Variants in OS9 observed in about 807,000 individuals in gnomAD.
OS9 encodes protein OS-9.
Under a neutral mutation model 84.7 loss-of-function variants are expected in OS9, and 58 were observed. That is an observed-to-expected ratio of 0.68 (90% CI 0.55 to 0.85). OS9 has a LOEUF of 0.85. Among genes scored for constraint, OS9 ranks in the 40% least tolerant of loss-of-function variants. The probability of loss-of-function intolerance (pLI) is 0.00; values close to 1 mark genes in which losing one functional copy is unlikely to be tolerated. For missense variants in OS9, 760 were observed against 850.9 expected (o/e 0.89, Z 1.33); for synonymous variants, 278 against 320.8 (o/e 0.87, Z 1.43).
At position 57,694,174 on chromosome 12, in the gene OS9, A is replaced by T; in HGVS notation, c.13A>T (p.Thr5Ser). MAAE[T>S]LLSSLLGLLL... The stretch of plus-strand genomic sequence containing the variant: ...AGGGGAACGAAAGATGGCGGCGGAA[A>T]CGCTGCTGTCCAGTTTGTTAGGACT... Residue 5 changes from threonine to serine, a missense_variant, in exon 1 of 15, where the codon ACG becomes TCG. Transcript: ENST00000315970. 1 of 1,614,154 alleles carries T rather than the reference A, an allele frequency of 6.2e-7. No individual in the cohort carries two copies.
chr12:57,694,803 G>C lies in OS9; in HGVS notation c.216G>C (p.Glu72Asp), dbSNP rs775502978. 6.2e-7 allele frequency: 1 copy of C among 1,614,146 alleles called. No individual in the cohort carries two copies. The highest frequency in any genetic ancestry group is 8.5e-7 in the Non-Finnish European group (1 of 1,180,022). ...IVSSKYKQRY[E>D]CRLPAGAIHF... ...CCTCTAAGTACAAACAGCGCTATGA[G>C]TGTCGCCTGCCAGCTGGAGCTATTC... Residue 72 changes from glutamate to aspartate, a missense_variant, in exon 2 of 15, where the codon GAG becomes GAC. Coordinates refer to ENST00000315970, the MANE Select transcript of OS9 (RefSeq NM_006812.4).
chr12:57,705,671 G>A (rs1181358126), intron 5 of OS9, among the ~76,000 whole-genome samples: 3 of 152,034 alleles, frequency 2.0e-5, no homozygotes, highest in African/African-American at 7.2e-5. Context: ...GATTACAGGT[G>A]CGTACCACCA....
chr12:57,704,174 A>G (rs1490660866), intron 5 of OS9, among the ~76,000 whole-genome samples: 2 of 152,240 alleles, frequency 1.3e-5, no homozygotes, highest in Non-Finnish European at 2.9e-5. Context: ...ATGATGTATA[A>G]TGCTTTTAAT....
intron 5 of OS9, among the ~76,000 whole-genome samples, chr12:57,699,117 A>G (rs1953947356): frequency 1.3e-5 from 2 of 152,198 alleles, no homozygotes; most frequent in Non-Finnish European, 2.9e-5. Flanking sequence ...TGGCTTGTGC[A>G]GTTAGATAGA....
At chr12:57,700,934 AAT>A (rs1954003425) in intron 5 of OS9, among the ~76,000 whole-genome samples, 3 of 152,184 alleles carry the variant, frequency 2.0e-5, no homozygotes, top group South Asian at 4.1e-4. Flanking sequence ...TACAAAAAAA[AAT>A]GTCATAGAGA....
Position 57,694,151 on chromosome 12 carries a change from G to A in OS9, c.-11G>A, listed in dbSNP as rs1007587473. ...GGAAACAGATTCTCTGCATAAGAAGGGGAACGAAAGATGGCGGCGGAAACG... is the reference window on the plus strand; with the variant it reads ...GGAAACAGATTCTCTGCATAAGAAGAGGAACGAAAGATGGCGGCGGAAACG... On this transcript the variant is annotated 5_prime_UTR_variant, in exon 1 of 15. Coordinates refer to ENST00000315970, the MANE Select transcript of OS9 (RefSeq NM_006812.4). The A allele has an allele frequency of 1.9e-6, 3 of 1,614,126 alleles. No individual in the cohort carries two copies. The South Asian group carries it at 3.3e-5, about 18-fold the overall frequency.
chr12:57,716,766 C>T lies in OS9; in HGVS notation c.1045+22C>T, dbSNP rs199613000. ...AATGGTGAGTGAACCTTCCATGTCT[C>T]CTTTACTGAATATATTTTAGGATTG... On this transcript the variant is annotated intron_variant, in intron 9 of 14. Coordinates refer to ENST00000315970, the MANE Select transcript of OS9 (RefSeq NM_006812.4). 101 of 1,606,396 alleles carry T rather than the reference C, an allele frequency of 6.3e-5. No homozygotes were observed. In the African/African-American group the frequency reaches 1.3e-3, roughly 20 times the overall value.
chr12:57,703,010 G>A (rs576336107), intron 5 of OS9, among the ~76,000 whole-genome samples: 13 of 152,074 alleles, frequency 8.5e-5, no homozygotes, highest in Admixed American at 6.6e-4. Context: ...TCTATGATTT[G>A]TAAGTATTTT....
Position 57,694,174 on chromosome 12 carries a change from A to G in OS9, c.13A>G (p.Thr5Ala). MAAETLLSSLLGLLL... is the reference protein window; with the variant it reads MAAEALLSSLLGLLL... The stretch of plus-strand genomic sequence containing the variant: ...AGGGGAACGAAAGATGGCGGCGGAA[A>G]CGCTGCTGTCCAGTTTGTTAGGACT... The change falls in exon 1 of 15, where the codon ACG (threonine) becomes GCG (alanine). Residue 5 changes from threonine (T) to alanine (A), a missense_variant. Coordinates refer to ENST00000315970, the MANE Select transcript of OS9 (RefSeq NM_006812.4). The G allele has an allele frequency of 6.2e-7, 1 of 1,614,154 alleles. No homozygotes were observed. Among genetic ancestry groups the G allele is most frequent in the Non-Finnish European group, 8.5e-7 (1 of 1,180,002 alleles).
intron 5 of OS9, among the ~76,000 whole-genome samples, chr12:57,714,635 A>G (rs911221249): frequency 2.0e-5 from 3 of 152,130 alleles, no homozygotes; most frequent in Non-Finnish European, 4.4e-5. Flanking sequence ...TGCTTTCCAC[A>G]CGGGTTGGAA....
At chr12:57,720,630 G>C (rs1050838449) in intron 14 of OS9, 112 bp downstream of exon 14, 33 of 1,276,722 alleles carry the variant, frequency 2.6e-5, no homozygotes, top group Non-Finnish European at 3.6e-5. Context: ...GTAAGACAAG[G>C]CTGGGGTTCC....
chr12:57,712,286 C>T (rs186009017), intron 5 of OS9, among the ~76,000 whole-genome samples: 1 of 152,220 alleles, frequency 6.6e-6, no homozygotes, highest in East Asian at 1.9e-4. Flanking sequence ...TCAGCTGCAT[C>T]CTGTAAGTTT....
intron 5 of OS9, among the ~76,000 whole-genome samples, chr12:57,696,697 G>A (rs568950246): frequency 1.4e-4 from 21 of 152,206 alleles, no homozygotes; most frequent in African/African-American, 4.6e-4. Context: ...TCGGGAGGCT[G>A]AGACAGGAGA....
chr12:57,718,175 TG>T lies in OS9; in HGVS notation c.1165del (p.Val389TrpfsTer68), dbSNP rs1486340582. 1 of 1,613,978 alleles carries T rather than the reference TG, an allele frequency of 6.2e-7. No individual in the cohort carries two copies. Among genetic ancestry groups the T allele is most frequent in the Admixed American group, 1.7e-5 (1 of 59,994 alleles). On this transcript the variant is annotated frameshift_variant, in exon 11 of 15. Coordinates refer to ENST00000315970, the MANE Select transcript of OS9 (RefSeq NM_006812.4). LOFTEE classifies it high-confidence loss of function. ...GKPNIGQEQP[V>X]DDAAEVPQRE... ...AGCCAAATATAGGCCAAGAGCAGCC[TG>T]TGGATGATGCTGCAGAAGTCCCTCA...
At position 57,708,625 on chromosome 12, in the gene OS9, CAA is replaced by C. The variant is rs150314356; in HGVS notation, c.580-7121_580-7120del. On this transcript the variant is annotated intron_variant, in intron 5 of 14. Coordinates refer to ENST00000315970, the MANE Select transcript of OS9 (RefSeq NM_006812.4). Reference sequence around the variant, plus strand: ...CCTGAGCAAAAGAGTGACACTGTCTCAAAAAAAAAAAAAAAGTCATCCTTATT... The same window carrying C: ...CCTGAGCAAAAGAGTGACACTGTCTCAAAAAAAAAAAAAGTCATCCTTATT... Among the ~76,000 whole-genome samples, 951 of 117,582 alleles carry C rather than the reference CAA, an allele frequency of 8.1e-3. 15 individuals carry two copies. The South Asian group carries it at 0.081, about 10-fold the overall frequency. 77.1% of individuals were successfully genotyped at this position (117,582 alleles called of 152,430 possible).
intron 5 of OS9, among the ~76,000 whole-genome samples, chr12:57,711,336 ATCTTTTT>A (rs1565776139): frequency 8.2e-6 from 1 of 121,854 alleles, no homozygotes; most frequent in Non-Finnish European, 1.6e-5. Context: ...ATGGCAGTAT[ATCTTTTT>A]TTTTTTTTTT....
chr12:57,711,106 C>T (rs1954316018), intron 5 of OS9, among the ~76,000 whole-genome samples: 1 of 150,742 alleles, frequency 6.6e-6, no homozygotes, highest in Non-Finnish European at 1.5e-5. Context: ...CTGCTCATTT[C>T]CCATTCTCTC....
intron 2 of OS9, 188 bp from the exon 3 acceptor site, chr12:57,695,592 C>G: frequency 1.4e-6 from 1 of 708,284 alleles, no homozygotes; most frequent in Non-Finnish European, 2.6e-6. Context: ...AGATATCTCT[C>G]CAAGTCACAG....
intron 4 of OS9, 27 bp downstream of exon 4, chr12:57,696,065 A>C (rs1953822375): frequency 6.4e-7 from 1 of 1,562,606 alleles, no homozygotes; most frequent in African/African-American, 1.4e-5. Flanking sequence ...ATTCAGGAAG[A>C]AAGGGTTCTG....
Sources: allele counts gnomAD v4.1 joint callset (sites outside exome capture counted in the v4.1 genomes callset), GRCh38; gene constraint gnomAD v4.1.1; transcripts MANE v1.5; gene names NCBI Gene and HGNC (gene_info 2026-07-23, HGNC 2026-07-21).